The following PSD3 variants were observed in gnomAD, a reference collection of about 807,000 sequenced individuals.
PSD3 encodes the protein PH and SEC7 domain-containing protein 3.
A neutral mutation model predicts 105.5 loss-of-function variants in PSD3; 49 were observed. The ratio of observed to expected loss-of-function variants is 0.46; its 90% CI spans 0.37 to 0.59. PSD3 has a LOEUF of 0.59. Ranked by LOEUF, PSD3 falls within the 20% of genes least tolerant of loss-of-function variation. The pLI is 0.00. For synonymous variants in PSD3, 557 were observed against 457.8 expected, an observed-to-expected ratio of 1.22 and a Z score of -2.77; for missense variants, 1,561 against 1,263.8, an observed-to-expected ratio of 1.24 and a Z score of -3.57.
intron 4 of PSD3, among the ~76,000 whole-genome samples, chr8:18,847,511 G>C (rs376075425): frequency 6.6e-6 from 1 of 152,052 alleles, no homozygotes; most frequent in Non-Finnish European, 1.5e-5. Flanking sequence ...CAGTATCCTC[G>C]TTGTTTTCAA....
chr8:18,864,134 T>A (rs1221076429), intron 4 of PSD3, among the ~76,000 whole-genome samples: 1 of 152,254 alleles, frequency 6.6e-6, no homozygotes, highest in Non-Finnish European at 1.5e-5. Flanking sequence ...TACATTTTTG[T>A]TTTGTTGAAG....
chr8:18,732,517 A>G (rs1215719311), intron 9 of PSD3, among the ~76,000 whole-genome samples: 2 of 152,204 alleles, frequency 1.3e-5, no homozygotes, highest in Non-Finnish European at 2.9e-5. Context: ...CTGGGGCTGG[A>G]GGATCCAAGA....
At chr8:18,767,388 A>G (rs147975279) in intron 8 of PSD3, among the ~76,000 whole-genome samples, 223 of 152,326 alleles carry the variant, frequency 1.5e-3, no homozygotes, top group African/African-American at 5.1e-3. Context: ...CAGAGCACAG[A>G]GAAGTGTCAC....
intron 1 of PSD3, among the ~76,000 whole-genome samples, chr8:18,967,302 T>C (rs1006842084): frequency 6.6e-6 from 1 of 152,066 alleles, no homozygotes; most frequent in African/African-American, 2.4e-5. Flanking sequence ...ATTACAGGTG[T>C]GCACCACCAT....
chr8:18,626,349 TC>T (rs1174807773), intron 11 of PSD3, among the ~76,000 whole-genome samples: 4 of 152,148 alleles, frequency 2.6e-5, no homozygotes, highest in Non-Finnish European at 4.4e-5. Context: ...CAGCTTTGAT[TC>T]AAATTTTCAC....
intron 1 of PSD3, among the ~76,000 whole-genome samples, chr8:18,958,698 C>T (rs1280720525): frequency 6.6e-6 from 1 of 152,060 alleles, no homozygotes; most frequent in Non-Finnish European, 1.5e-5. Context: ...AAAAGAAAAA[C>T]CCATATGGTT....
intron 9 of PSD3, among the ~76,000 whole-genome samples, chr8:18,743,158 G>A (rs1210218214): frequency 6.6e-6 from 1 of 152,106 alleles, no homozygotes; most frequent in Non-Finnish European, 1.5e-5. Flanking sequence ...CCCTTTGAAG[G>A]TTCACTGAAA....
chr8:19,058,620 A>T (rs1828787935), intron 1 of PSD3, among the ~76,000 whole-genome samples: 1 of 152,102 alleles, frequency 6.6e-6, no homozygotes, highest in Admixed American at 6.5e-5. Flanking sequence ...CCTACCAGCT[A>T]GGCCCAACTT....
At chr8:18,828,547 T>A (rs904188310) in intron 4 of PSD3, among the ~76,000 whole-genome samples, 2 of 152,122 alleles carry the variant, frequency 1.3e-5, no homozygotes, top group African/African-American at 4.8e-5. Flanking sequence ...ATGTCTGTAA[T>A]CCCAGCACCC....
At chr8:18,686,276 C>T (rs908924583) in intron 9 of PSD3, among the ~76,000 whole-genome samples, 18 of 152,254 alleles carry the variant, frequency 1.2e-4, no homozygotes, top group African/African-American at 9.6e-5. Flanking sequence ...GACAATTCTG[C>T]GAAGTGGGTT....
chr8:18,996,077 G>A (rs1171933871), intron 1 of PSD3, among the ~76,000 whole-genome samples: 1 of 151,848 alleles, frequency 6.6e-6, no homozygotes, highest in Non-Finnish European at 1.5e-5. Flanking sequence ...GGAAACAACT[G>A]GTCATCCACA....
At chr8:18,840,202 T>C (rs1814500007) in intron 4 of PSD3, among the ~76,000 whole-genome samples, 1 of 152,120 alleles carries the variant, frequency 6.6e-6, no homozygotes, top group South Asian at 2.1e-4. Flanking sequence ...CACCTGCAAA[T>C]GTCCCCCCCA....
At chr8:18,560,603 T>A (rs554816115) in intron 14 of PSD3, among the ~76,000 whole-genome samples, 6 of 152,250 alleles carry the variant, frequency 3.9e-5, no homozygotes, top group African/African-American at 1.4e-4. Flanking sequence ...GTTGTGGTTA[T>A]ATGTCAATAG....
chr8:18,840,417 GA>G (rs1012138956), intron 4 of PSD3, among the ~76,000 whole-genome samples: 1 of 152,190 alleles, frequency 6.6e-6, no homozygotes. Context: ...CTCAAGCTGA[GA>G]AAAACATTTC....
At position 18,540,986 on chromosome 8, in the gene PSD3, C is replaced by T. The variant is rs1436233051; in HGVS notation, c.2929-5028G>A. Among the ~76,000 whole-genome samples the T allele has an allele frequency of 3.9e-5, 6 of 152,074 alleles. No homozygotes were observed. In the South Asian group the frequency reaches 1.0e-3, roughly 26 times the overall value. ...GTCCAAAAAGCTCTTCTTCCAAAAG[C>T]CCACAGGACTTCCTCCCTCCCCTCC... On this transcript the variant is annotated intron_variant, in intron 15 of 15. Coordinates refer to ENST00000327040, the MANE Select transcript of PSD3 (RefSeq NM_015310.4).
chr8:18,628,120 G>A lies in PSD3; in HGVS notation c.2410+4493C>T, dbSNP rs1806625128. Among the ~76,000 whole-genome samples the A allele has an allele frequency of 2.0e-5, 3 of 151,910 alleles. No individual in the cohort carries two copies. In the South Asian group the frequency reaches 6.2e-4, roughly 32 times the overall value. On this transcript the variant is annotated intron_variant, in intron 11 of 15. Coordinates refer to ENST00000327040, the MANE Select transcript of PSD3 (RefSeq NM_015310.4). Reference sequence around the variant, plus strand: ...GTTAAAAATATTGGAAAGAGCTTCAGGAAACCCTTGGGATAGCACTGAGTA... The same window carrying A: ...GTTAAAAATATTGGAAAGAGCTTCAAGAAACCCTTGGGATAGCACTGAGTA...
chr8:18,805,479 T>C (rs148636176), intron 4 of PSD3, among the ~76,000 whole-genome samples: 137 of 152,300 alleles, frequency 9.0e-4, no homozygotes, highest in African/African-American at 3.1e-3. Context: ...TTTAATATCC[T>C]TTTCAGATAA....
intron 10 of PSD3, among the ~76,000 whole-genome samples, chr8:18,651,587 CAT>C (rs1266280575): frequency 6.6e-6 from 1 of 152,172 alleles, no homozygotes; most frequent in Non-Finnish European, 1.5e-5. Context: ...CAAATCCAGA[CAT>C]GTATCATTTC....
Position 18,801,505 on chromosome 8 carries a change from T to C in PSD3, c.1911-123A>G, listed in dbSNP as rs553994928. On this transcript the variant is annotated intron_variant, in intron 6 of 15. Coordinates refer to ENST00000327040, the MANE Select transcript of PSD3 (RefSeq NM_015310.4). ...TTATACAAAGTAAGATATTATGAAG[T>C]TATCTCCCCCCAAAAAAATCATTTA... 11 of 594,036 alleles carry C rather than the reference T, an allele frequency of 1.9e-5. No homozygotes were observed. The South Asian group carries it at 1.9e-4, about 10-fold the overall frequency. The allele number at this position is 594,036 out of a possible 1,614,324, so 36.8% of individuals were successfully genotyped here. A position where few individuals can be genotyped will look rare whatever the true frequency, so the allele number is the denominator to read the frequency against.
Sources: gnomAD v4.1 joint callset for allele counts (sites outside exome capture counted in the v4.1 genomes callset) on GRCh38, gnomAD v4.1.1 for gene constraint, MANE v1.5 for transcripts, NCBI Gene and HGNC (gene_info 2026-07-23, HGNC 2026-07-21) for gene names.